The following OXR1 variants were observed in gnomAD, a reference collection of about 807,000 sequenced individuals.
The protein encoded by OXR1 is oxidation resistance protein 1.
In OXR1, 41 loss-of-function variants were observed where a neutral mutation model predicts 104.6. The observed-to-expected ratio is 0.39, with a 90% CI of 0.31 to 0.51. The LOEUF (loss-of-function observed/expected upper bound fraction) is 0.51, where lower values mean the gene tolerates loss of function less well. Ranked by LOEUF, OXR1 falls within the 20% of genes least tolerant of loss-of-function variation. OXR1 has a pLI of 0.77. For missense variants in OXR1, 955 were observed against 1,031.9 expected, an observed-to-expected ratio of 0.93 and a Z score of 1.02; for synonymous variants, 348 against 348.4, an observed-to-expected ratio of 1.00 and a Z score of 0.01.
At position 106,725,894 on chromosome 8, in the gene OXR1, A is replaced by G. The variant is rs570899818; in HGVS notation, c.1957-11626A>G. The G allele has an allele frequency of 4.2e-5, 8 of 188,534 alleles. No homozygotes were observed. The East Asian group carries it at 1.1e-3, about 25-fold the overall frequency. The allele number at this position is 188,534 out of a possible 1,614,324, so 11.7% of individuals were successfully genotyped here. On this transcript the variant is annotated intron_variant, in intron 11 of 16. Coordinates refer to ENST00000517566, the MANE Select transcript of OXR1 (RefSeq NM_001198533.2). ...AAATTATATTTACTACTTTTTTGTT[A>G]CTGGGTTACTTTTAGTATATTCATG...
chr8:106,304,827 C>G (rs2130106282), intron 1 of OXR1, among the ~76,000 whole-genome samples: 1 of 152,202 alleles, frequency 6.6e-6, no homozygotes, highest in East Asian at 1.9e-4. Context: ...CTACCTTTTA[C>G]TCAAGGGAAT....
At chr8:106,644,700 C>T (rs1398898043) in intron 3 of OXR1, among the ~76,000 whole-genome samples, 1 of 152,186 alleles carries the variant, frequency 6.6e-6, no homozygotes, top group Non-Finnish European at 1.5e-5. Flanking sequence ...GTATGTGAAA[C>T]ACATACATCA....
chr8:106,344,007 C>T (rs1008950173), intron 1 of OXR1, among the ~76,000 whole-genome samples: 7 of 152,140 alleles, frequency 4.6e-5, no homozygotes, highest in Non-Finnish European at 1.0e-4. Flanking sequence ...TATTTGTAAG[C>T]CAGATGACTG....
intron 2 of OXR1, among the ~76,000 whole-genome samples, chr8:106,385,756 A>G (rs533967779): frequency 1.3e-5 from 2 of 152,222 alleles, no homozygotes; most frequent in South Asian, 4.1e-4. Flanking sequence ...CCAATTTGTT[A>G]TGCATGAAAG....
chr8:106,463,808 G>A (rs1821033419), intron 2 of OXR1, among the ~76,000 whole-genome samples: 1 of 152,070 alleles, frequency 6.6e-6, no homozygotes, highest in South Asian at 2.1e-4. Flanking sequence ...GACAACACTG[G>A]CATTTAGGAA....
intron 2 of OXR1, among the ~76,000 whole-genome samples, chr8:106,401,555 G>A (rs1399878532): frequency 6.6e-6 from 1 of 152,112 alleles, no homozygotes; most frequent in Non-Finnish European, 1.5e-5. Flanking sequence ...ACAAAGGCCT[G>A]GCAGCTTTTT....
chr8:106,725,459 G>A (rs1833243015), intron 11 of OXR1, among the ~76,000 whole-genome samples: 1 of 152,134 alleles, frequency 6.6e-6, no homozygotes. Context: ...ATATGTATTT[G>A]TAGTTTATAT....
At chr8:106,550,080 A>G (rs555468716) in intron 3 of OXR1, among the ~76,000 whole-genome samples, 1 of 152,206 alleles carries the variant, frequency 6.6e-6, no homozygotes, top group South Asian at 2.1e-4. Context: ...GCCACATATG[A>G]GAAAAACGTG....
intron 1 of OXR1, among the ~76,000 whole-genome samples, chr8:106,290,454 G>A (rs1191089217): frequency 6.6e-6 from 1 of 152,044 alleles, no homozygotes; most frequent in Non-Finnish European, 1.5e-5. Flanking sequence ...TGACAAGTGG[G>A]ACCGAATTAA....
chr8:106,288,436 C>T (rs1245155913), intron 1 of OXR1, among the ~76,000 whole-genome samples: 1 of 151,796 alleles, frequency 6.6e-6, no homozygotes, highest in Admixed American at 6.6e-5. Context: ...TTTCCTATAG[C>T]CTGTCATGAA....
chr8:106,646,656 A>G (rs1005429771), intron 3 of OXR1, among the ~76,000 whole-genome samples: 1 of 152,018 alleles, frequency 6.6e-6, no homozygotes, highest in African/African-American at 2.4e-5. Flanking sequence ...AAGGGTAAAG[A>G]AGGGCCCAGA....
intron 1 of OXR1, among the ~76,000 whole-genome samples, chr8:106,344,334 G>GT (rs755968846): frequency 1.5e-5 from 2 of 137,828 alleles, no homozygotes; most frequent in African/African-American, 5.2e-5. Context: ...TTTTGTTTTT[G>GT]TTTTGTTTTG....
At chr8:106,520,216 A>AT (rs1367053299) in intron 3 of OXR1, among the ~76,000 whole-genome samples, 10 of 151,052 alleles carry the variant, frequency 6.6e-5, no homozygotes, top group Admixed American at 4.0e-4. Flanking sequence ...TTTTTCTTTG[A>AT]TTTTTTAGTA....
At chr8:106,379,940 G>A (rs1281574862) in intron 2 of OXR1, among the ~76,000 whole-genome samples, 7 of 151,936 alleles carry the variant, frequency 4.6e-5, no homozygotes, top group Non-Finnish European at 5.9e-5. Context: ...CAGCTTTATC[G>A]AGATAGAATT....
Position 106,751,056 on chromosome 8 carries a change from T to G in OXR1, c.*115T>G, listed in dbSNP as rs1835857015. On this transcript the variant is annotated 3_prime_UTR_variant, in exon 17 of 17. Coordinates refer to ENST00000517566, the MANE Select transcript of OXR1 (RefSeq NM_001198533.2). Reference sequence around the variant, plus strand: ...CATGTCACTTGTGCTTTAAAATTAGTCTGTATCACCATTTATTACAGTTAT... The same window carrying G: ...CATGTCACTTGTGCTTTAAAATTAGGCTGTATCACCATTTATTACAGTTAT... The G allele has an allele frequency of 1.9e-5, 14 of 734,444 alleles. No homozygotes were observed. Among genetic ancestry groups the G allele is most frequent in the Non-Finnish European group, 2.4e-5 (11 of 454,046 alleles). The allele number at this position is 734,444 out of a possible 1,614,324, so 45.5% of individuals were successfully genotyped here.
chr8:106,671,050 A>G (rs1826911457), intron 3 of OXR1, among the ~76,000 whole-genome samples: 1 of 149,590 alleles, frequency 6.7e-6, no homozygotes, highest in Admixed American at 6.6e-5. Context: ...GTCTCAAAAA[A>G]AAAAAAAAAA....
chr8:106,581,015 C>G (rs1818184303), intron 3 of OXR1: 1 of 1,069,204 alleles, frequency 9.4e-7, no homozygotes. Context: ...CTAAAAGCTT[C>G]TTAAAATTAG....
chr8:106,665,692 T>C (rs1401721833), intron 3 of OXR1, among the ~76,000 whole-genome samples: 1 of 152,200 alleles, frequency 6.6e-6, no homozygotes, highest in Non-Finnish European at 1.5e-5. Context: ...TGTGAAGGCT[T>C]ATTTCATGGC....
intron 2 of OXR1, among the ~76,000 whole-genome samples, chr8:106,468,652 A>G (rs1821319277): frequency 6.6e-6 from 1 of 151,794 alleles, no homozygotes; most frequent in Non-Finnish European, 1.5e-5. Flanking sequence ...TTTGTTTGTC[A>G]CTGAAAGTTT....
Sources: allele counts gnomAD v4.1 joint callset (sites outside exome capture counted in the v4.1 genomes callset), GRCh38; gene constraint gnomAD v4.1.1; transcripts MANE v1.5; gene names NCBI Gene and HGNC (gene_info 2026-07-23, HGNC 2026-07-21).